GALNT13: variants seen among roughly 807,000 people sequenced by gnomAD.
GALNT13 encodes the protein polypeptide N-acetylgalactosaminyltransferase 13.
GALNT13 carries 28 observed loss-of-function variants against 64.2 expected under a neutral mutation model. The observed-to-expected ratio is 0.44, with a 90% CI of 0.32 to 0.60. The LOEUF (loss-of-function observed/expected upper bound fraction) is 0.60, where lower values mean the gene tolerates loss of function less well. Among genes scored for constraint, GALNT13 ranks in the 20% least tolerant of loss-of-function variants. The pLI, the probability that GALNT13 is intolerant of heterozygous loss-of-function variation, is 0.05. For missense variants in GALNT13, 577 were observed against 669.8 expected, an observed-to-expected ratio of 0.86 and a Z score of 1.53; for synonymous variants, 214 against 224.6, an observed-to-expected ratio of 0.95 and a Z score of 0.42.
At chr2:154,442,263 C>G (rs549129663) in intron 12 of GALNT13, among the ~76,000 whole-genome samples, 3 of 152,208 alleles carry the variant, frequency 2.0e-5, no homozygotes, top group African/African-American at 7.2e-5. Flanking sequence ...CAAACTTCAG[C>G]TATACATATT....
In GALNT13 at chr2:153,974,447, A is replaced by T. The variant is rs139357976; in HGVS notation, c.142+29808A>T. On this transcript the variant is annotated intron_variant, in intron 3 of 12. Coordinates refer to ENST00000392825, the MANE Select transcript of GALNT13 (RefSeq NM_052917.4). ...AAGAATAATGACCACATGGATTTTT[A>T]TTCCTTCCTTCAGTAAATATCTATT... 7.8e-3 allele frequency among the ~76,000 whole-genome samples: 1,188 copies of T among 152,134 alleles called. 18 individuals carry two copies. The highest frequency in any genetic ancestry group is 0.027 in the African/African-American group (1,141 of 41,544).
At chr2:153,933,137 A>G (rs1045876435) in intron 2 of GALNT13, among the ~76,000 whole-genome samples, 15 of 152,116 alleles carry the variant, frequency 9.9e-5, no homozygotes, top group Admixed American at 8.5e-4. Context: ...TGTTAGGTAC[A>G]TTTGGTCAAA....
At chr2:153,903,009 G>A (rs1373579) in intron 2 of GALNT13, among the ~76,000 whole-genome samples, 15,628 of 152,022 alleles carry the variant, frequency 0.1, 1,905 homozygotes, top group East Asian at 0.62. Flanking sequence ...AACATATTTT[G>A]TTTACAGAGT....
intron 3 of GALNT13, among the ~76,000 whole-genome samples, chr2:153,946,831 T>C (rs1691789514): frequency 6.6e-6 from 1 of 152,094 alleles, no homozygotes; most frequent in African/African-American, 2.4e-5. Flanking sequence ...AAATGGAAAA[T>C]AGACTTGAGG....
At chr2:153,105,140 C>A in the GALNT13 span, among the ~76,000 whole-genome samples, 2 of 149,130 alleles carry the variant, frequency 1.3e-5, no homozygotes, top group East Asian at 4.0e-4. Context: ...ACTGGCAAAC[C>A]GAATCCAGCA....
chr2:154,395,545 A>G (rs1330760787), intron 9 of GALNT13, among the ~76,000 whole-genome samples: 2 of 152,110 alleles, frequency 1.3e-5, no homozygotes, highest in Non-Finnish European at 2.9e-5. Flanking sequence ...CTATTACGTG[A>G]ATTATTCTAT....
chr2:154,059,301 C>T (rs552308388), intron 3 of GALNT13, among the ~76,000 whole-genome samples: 6 of 152,244 alleles, frequency 3.9e-5, no homozygotes, highest in African/African-American at 1.4e-4. Flanking sequence ...GGGAAAATAA[C>T]CATGTTATGG....
chr2:154,103,832 C>A (rs1006699191), intron 3 of GALNT13, among the ~76,000 whole-genome samples: 1 of 152,124 alleles, frequency 6.6e-6, no homozygotes, highest in African/African-American at 2.4e-5. Flanking sequence ...AACCCACTCA[C>A]CTGCTGTGGG....
In GALNT13 at chr2:154,054,389, T is replaced by C. The variant is rs17553876; in HGVS notation, c.143-85948T>C. 7.6e-3 allele frequency among the ~76,000 whole-genome samples: 1,162 copies of C among 152,190 alleles called. 11 individuals are homozygous for C. The highest frequency in any genetic ancestry group is 0.024 in the African/African-American group (989 of 41,556). On this transcript the variant is annotated intron_variant, in intron 3 of 12. Transcript: ENST00000392825. ...GAACTGACATTCTTTTCCTCTGCTA[T>C]TATTCAGATGAGGAAGAAAGATAAA...
At chr2:154,166,260 C>T (rs904036345) in intron 4 of GALNT13, among the ~76,000 whole-genome samples, 1 of 152,072 alleles carries the variant, frequency 6.6e-6, no homozygotes, top group Non-Finnish European at 1.5e-5. Flanking sequence ...CAAAAATTAG[C>T]TCAGTGTGGT....
chr2:154,244,748 G>T (rs1388435667), intron 6 of GALNT13, among the ~76,000 whole-genome samples: 21 of 152,154 alleles, frequency 1.4e-4, no homozygotes, highest in Admixed American at 1.4e-3. Context: ...GATTAAAAGT[G>T]TACCTAATGA....
At chr2:153,996,009 T>C (rs146836658) in intron 3 of GALNT13, among the ~76,000 whole-genome samples, 1 of 152,222 alleles carries the variant, frequency 6.6e-6, no homozygotes, top group East Asian at 1.9e-4. Context: ...CAGGATTTCC[T>C]TCTGGTTTTA....
intron 9 of GALNT13, among the ~76,000 whole-genome samples, chr2:154,315,584 C>A (rs908242767): frequency 6.6e-6 from 1 of 152,190 alleles, no homozygotes; most frequent in Non-Finnish European, 1.5e-5. Flanking sequence ...AAGACACATA[C>A]ACACACGTAT....
chr2:154,223,106 A>G (rs1032973300), intron 4 of GALNT13, among the ~76,000 whole-genome samples: 9 of 152,200 alleles, frequency 5.9e-5, no homozygotes, highest in African/African-American at 1.9e-4. Flanking sequence ...TTTCTTTAGC[A>G]TATAAAACTA....
the GALNT13 span, among the ~76,000 whole-genome samples, chr2:153,414,477 G>T: frequency 8.2e-5 from 12 of 146,378 alleles, no homozygotes; most frequent in East Asian, 8.3e-4. Flanking sequence ...AGGATAAAAA[G>T]ATTTTTTTTT....
At chr2:153,694,883 T>C in the GALNT13 span, among the ~76,000 whole-genome samples, 1 of 152,160 alleles carries the variant, frequency 6.6e-6, no homozygotes, top group Non-Finnish European at 1.5e-5. Flanking sequence ...CAGCTACTGG[T>C]ATGGGAGCCC....
chr2:153,078,991 G>C, the GALNT13 span, among the ~76,000 whole-genome samples: 4 of 152,280 alleles, frequency 2.6e-5, no homozygotes, highest in East Asian at 7.7e-4. Flanking sequence ...TGATGGCACA[G>C]TGAGACTGGT....
chr2:153,299,222 C>T, the GALNT13 span, among the ~76,000 whole-genome samples: 197 of 152,128 alleles, frequency 1.3e-3, 6 homozygotes, highest in East Asian at 0.036. Context: ...GATATAAGAA[C>T]GAAGAAAAAT....
intron 4 of GALNT13, among the ~76,000 whole-genome samples, chr2:154,147,799 T>C (rs1369725534): frequency 6.6e-6 from 1 of 152,110 alleles, no homozygotes; most frequent in Non-Finnish European, 1.5e-5. Flanking sequence ...ACTTATGTTT[T>C]TCCTACTTGA....
Sources: allele counts gnomAD v4.1 joint callset (sites outside exome capture counted in the v4.1 genomes callset), GRCh38; gene constraint gnomAD v4.1.1; transcripts MANE v1.5; gene names NCBI Gene and HGNC (gene_info 2026-07-23, HGNC 2026-07-21).